The following PARVB variants were observed in gnomAD, a reference collection of about 807,000 sequenced individuals.
PARVB encodes parvin beta.
A neutral mutation model predicts 47.0 loss-of-function variants in PARVB; 46 were observed. The observed-to-expected ratio is 0.98, with a 90% CI of 0.77 to 1.25. PARVB has a LOEUF of 1.25. PARVB is among the 50% of genes most tolerant of loss of function. PARVB has a pLI of 0.00. For missense variants in PARVB, 473 were observed against 471.6 expected (o/e 1.00, Z -0.03); for synonymous variants, 196 against 196.3 (o/e 1.00, Z 0.01).
In PARVB at chr22:44,168,800, TC is replaced by T; in HGVS notation, c.*126del. 1.5e-6 allele frequency: 1 copy of T among 666,738 alleles called. No homozygotes were observed. Among genetic ancestry groups the T allele is most frequent in the South Asian group, 1.8e-5 (1 of 56,926 alleles). The allele number at this position is 666,738 out of a possible 1,614,324, so 41.3% of individuals were successfully genotyped here. ...CTGGTCCAAGCTGTGTTGACTGTCA[TC>T]CCCACCCCACCCCTACCTCACGCCT... On this transcript the variant is annotated 3_prime_UTR_variant, in exon 13 of 13. Transcript: ENST00000338758.
At chr22:44,159,609 A>T (rs1432127599) in intron 11 of PARVB, among the ~76,000 whole-genome samples, 1 of 152,142 alleles carries the variant, frequency 6.6e-6, no homozygotes, top group Non-Finnish European at 1.5e-5. Context: ...TCTCCTTCGG[A>T]GGATGGGAGG....
At chr22:44,130,698 T>C (rs2053288959) in intron 4 of PARVB, among the ~76,000 whole-genome samples, 1 of 152,214 alleles carries the variant, frequency 6.6e-6, no homozygotes, top group African/African-American at 2.4e-5. Context: ...CCTCTCCCTT[T>C]TGGGACCCAC....
intron 1 of PARVB, among the ~76,000 whole-genome samples, chr22:44,064,902 G>A (rs1029434768): frequency 2.0e-5 from 3 of 152,178 alleles, no homozygotes; most frequent in African/African-American, 7.2e-5. Context: ...CTAGGATGAG[G>A]GTTCTCAGAG....
At chr22:44,075,227 C>T (rs948162433) in intron 1 of PARVB, among the ~76,000 whole-genome samples, 8 of 152,210 alleles carry the variant, frequency 5.3e-5, no homozygotes, top group African/African-American at 1.7e-4. Context: ...CACACAAACA[C>T]GCACGCACAT....
intron 3 of PARVB, chr22:44,108,818 C>G (rs183793104): frequency 1.3e-5 from 2 of 152,246 alleles, no homozygotes; most frequent in Admixed American, 1.3e-4. Context: ...GTTTTTACTT[C>G]TTTTGTGGAT....
chr22:44,023,532 CAAAACAAAATAAAAT>C (rs1304526585), upstream of PARVB, among the ~76,000 whole-genome samples: 524 of 63,616 alleles, frequency 8.2e-3, 5 homozygotes, highest in Non-Finnish European at 0.013. Context: ...TAAAATAAAA[CAAAACAAAATAAAAT>C]AAAATAAAAT....
chr22:44,062,863 C>T (rs1308741055), intron 1 of PARVB, among the ~76,000 whole-genome samples: 1 of 151,422 alleles, frequency 6.6e-6, no homozygotes, highest in Non-Finnish European at 1.5e-5. Flanking sequence ...CCCTGTAGTT[C>T]AGGGATTTTT....
chr22:44,167,244 G>C (rs12170911), intron 12 of PARVB, among the ~76,000 whole-genome samples: 7,253 of 152,308 alleles, frequency 0.048, 556 homozygotes, highest in African/African-American at 0.17. Context: ...ACAGAGCCGA[G>C]TGCGGAGCTC....
At chr22:44,026,284 G>A (rs1304197696) in intron 1 of PARVB, 2 of 983,472 alleles carry the variant, frequency 2.0e-6, no homozygotes, top group Non-Finnish European at 2.4e-6. Context: ...CAAGAATTCC[G>A]GTAGCAGGAA....
At chr22:44,069,818 C>T (rs868123532) in intron 1 of PARVB, among the ~76,000 whole-genome samples, 10 of 152,218 alleles carry the variant, frequency 6.6e-5, no homozygotes, top group South Asian at 2.1e-4. Context: ...CATGAGCCAC[C>T]GCGCCCGGCC....
At chr22:44,164,418 C>CCCT (rs1555913760) in intron 12 of PARVB, among the ~76,000 whole-genome samples, 2 of 148,206 alleles carry the variant, frequency 1.3e-5, no homozygotes, top group East Asian at 3.9e-4. Flanking sequence ...GTCCCCCCCC[C>CCCT]GGCTCCTGTG....
At chr22:44,064,391 T>C (rs143161259) in intron 1 of PARVB, among the ~76,000 whole-genome samples, 2 of 152,302 alleles carry the variant, frequency 1.3e-5, no homozygotes, top group Non-Finnish European at 2.9e-5. Context: ...GAAATGTGTG[T>C]GGACTCGCGT....
At chr22:44,162,315 TG>T (rs1053219798) in intron 11 of PARVB, among the ~76,000 whole-genome samples, 59 of 151,676 alleles carry the variant, frequency 3.9e-4, no homozygotes, top group African/African-American at 1.3e-3. Flanking sequence ...AAGGATTTTT[TG>T]TTTGTTTGTT....
At chr22:44,064,020 G>A (rs1233731862) in intron 1 of PARVB, among the ~76,000 whole-genome samples, 1 of 152,208 alleles carries the variant, frequency 6.6e-6, no homozygotes, top group Non-Finnish European at 1.5e-5. Flanking sequence ...TTTCTGTGTG[G>A]TCAGTGGCGC....
At chr22:44,158,746 G>A (rs530595341) in intron 11 of PARVB, among the ~76,000 whole-genome samples, 1 of 152,342 alleles carries the variant, frequency 6.6e-6, no homozygotes, top group East Asian at 1.9e-4. Context: ...GCTTCCCGCA[G>A]CCAAGCCTCT....
chr22:44,045,951 C>T (rs1052581958), intron 1 of PARVB, among the ~76,000 whole-genome samples: 8 of 152,164 alleles, frequency 5.3e-5, no homozygotes, highest in Admixed American at 2.0e-4. Context: ...ATTTCTGCAA[C>T]GAGCCACCAT....
chr22:44,086,688 G>A (rs2052032223), intron 1 of PARVB: 1 of 910,942 alleles, frequency 1.1e-6, no homozygotes, highest in African/African-American at 1.8e-5. Flanking sequence ...ACTCCACTGA[G>A]CTGCAAGATC....
At chr22:44,007,075 T>G (rs1048252399) in intron 2 of PARVB, among the ~76,000 whole-genome samples, 1 of 152,226 alleles carries the variant, frequency 6.6e-6, no homozygotes, top group Non-Finnish European at 1.5e-5. Flanking sequence ...ATGGTTACCA[T>G]CCACCTACTG....
intron 1 of PARVB, among the ~76,000 whole-genome samples, chr22:44,090,293 G>A (rs1007029587): frequency 6.6e-6 from 1 of 152,244 alleles, no homozygotes; most frequent in Non-Finnish European, 1.5e-5. Flanking sequence ...GGGTCTGCCA[G>A]CCTGTGCCCC....
Sources: allele counts gnomAD v4.1 joint callset (sites outside exome capture counted in the v4.1 genomes callset), GRCh38; gene constraint gnomAD v4.1.1; transcripts MANE v1.5; gene names NCBI Gene and HGNC (gene_info 2026-07-23, HGNC 2026-07-21).